Variants in DYRK1A observed in about 807,000 individuals in gnomAD.
DYRK1A encodes the protein dual specificity tyrosine-phosphorylation-regulated kinase 1A.
A neutral mutation model predicts 79.7 loss-of-function variants in DYRK1A; 9 were observed. The observed-to-expected ratio is 0.11, with a 90% CI of 0.07 to 0.20. DYRK1A has a LOEUF of 0.20. DYRK1A is among the 10% of genes least tolerant of loss of function. The pLI, the probability that DYRK1A is intolerant of heterozygous loss-of-function variation, is 1.00. For missense variants in DYRK1A, 622 were observed against 956.0 expected (o/e 0.65, Z 4.61); for synonymous variants, 349 against 329.7 (o/e 1.06, Z -0.63).
At position 37,514,466 on chromosome 21, in the gene DYRK1A, C is replaced by T. The variant is rs1416237530; in HGVS notation, c.*1935C>T. Reference sequence around the variant, plus strand: ...TCTGCCGATAACCTGTTTAAGATGACTCAGCAGAACACCGCGTTTCATTCT... The same window carrying T: ...TCTGCCGATAACCTGTTTAAGATGATTCAGCAGAACACCGCGTTTCATTCT... On this transcript the variant is annotated 3_prime_UTR_variant, in exon 12 of 12. Coordinates refer to ENST00000647188, the MANE Select transcript of DYRK1A (RefSeq NM_001347721.2). 3 of 152,610 alleles carry T rather than the reference C, an allele frequency of 2.0e-5. No individual in the cohort carries two copies. Among genetic ancestry groups the T allele is most frequent in the African/African-American group, 7.2e-5 (3 of 41,438 alleles). 9.5% of individuals were successfully genotyped at this position (152,610 alleles called of 1,614,324 possible).
intron 1 of DYRK1A, among the ~76,000 whole-genome samples, chr21:37,408,347 T>C (rs994188081): frequency 1.3e-5 from 2 of 152,218 alleles, no homozygotes; most frequent in Non-Finnish European, 2.9e-5. Flanking sequence ...TGAAAACATA[T>C]ACAGAAGTGG....
intron 5 of DYRK1A, among the ~76,000 whole-genome samples, chr21:37,482,130 A>G (rs548667960): frequency 6.6e-6 from 1 of 152,336 alleles, no homozygotes; most frequent in African/African-American, 2.4e-5. Flanking sequence ...GCATGTGCTT[A>G]CTTCTCTGTT....
intron 2 of DYRK1A, among the ~76,000 whole-genome samples, chr21:37,463,645 C>G (rs2051927188): frequency 6.6e-6 from 1 of 152,238 alleles, no homozygotes; most frequent in Non-Finnish European, 1.5e-5. Context: ...TTATTGAATG[C>G]AGGCCATGTG....
intron 8 of DYRK1A, among the ~76,000 whole-genome samples, chr21:37,495,102 A>C (rs1359154795): frequency 6.6e-6 from 1 of 151,554 alleles, no homozygotes; most frequent in Non-Finnish European, 1.5e-5. Context: ...CATTTAAAGT[A>C]CTTAAAAAAG....
chr21:37,452,445 A>G (rs1192899248), intron 2 of DYRK1A, among the ~76,000 whole-genome samples: 2 of 152,166 alleles, frequency 1.3e-5, no homozygotes, highest in Non-Finnish European at 2.9e-5. Context: ...GATGCCGTTT[A>G]TAGAACTGGG....
At chr21:37,459,119 C>T (rs1473803344) in intron 2 of DYRK1A, among the ~76,000 whole-genome samples, 1 of 152,172 alleles carries the variant, frequency 6.6e-6, no homozygotes, top group Non-Finnish European at 1.5e-5. Flanking sequence ...GAAATCAAGA[C>T]GTCTGATAAC....
chr21:37,424,660 T>C (rs2050568880), intron 2 of DYRK1A, among the ~76,000 whole-genome samples: 1 of 152,220 alleles, frequency 6.6e-6, no homozygotes, highest in Non-Finnish European at 1.5e-5. Context: ...ATAATTACTT[T>C]AGATATTTAT....
chr21:37,426,869 G>A (rs2050635660), intron 2 of DYRK1A, among the ~76,000 whole-genome samples: 2 of 143,530 alleles, frequency 1.4e-5, no homozygotes, highest in South Asian at 4.3e-4. Context: ...GCAGTGAGCC[G>A]AGATAGCGCC....
At chr21:37,438,531 T>A (rs1202588064) in intron 2 of DYRK1A, among the ~76,000 whole-genome samples, 2 of 152,140 alleles carry the variant, frequency 1.3e-5, no homozygotes, top group Admixed American at 6.5e-5. Flanking sequence ...AAAGATCACT[T>A]TTTTTTGCAA....
In DYRK1A at chr21:37,511,799, C is replaced by T. The variant is rs879153611; in HGVS notation, c.1645-112C>T. On this transcript the variant is annotated intron_variant, in intron 11 of 11. Coordinates refer to ENST00000647188, the MANE Select transcript of DYRK1A (RefSeq NM_001347721.2). Reference sequence around the variant, plus strand: ...TTAACACATTAAAAGTTTCAAAAACCGTTTCCCCCTGATTAATATGATGCT... The same window carrying T: ...TTAACACATTAAAAGTTTCAAAAACTGTTTCCCCCTGATTAATATGATGCT... 3.5e-5 allele frequency: 45 copies of T among 1,280,974 alleles called. No homozygotes were observed. In the South Asian group the frequency reaches 4.4e-4, roughly 12 times the overall value. The allele number at this position is 1,280,974 out of a possible 1,614,324, so 79.4% of individuals were successfully genotyped here.
intron 2 of DYRK1A, among the ~76,000 whole-genome samples, chr21:37,451,382 C>G (rs948098074): frequency 4.0e-5 from 6 of 150,294 alleles, no homozygotes; most frequent in Non-Finnish European, 8.9e-5. Flanking sequence ...CCATCCCTCC[C>G]CCACCCATTG....
chr21:37,443,563 G>A (rs2051174693), intron 2 of DYRK1A, among the ~76,000 whole-genome samples: 1 of 152,158 alleles, frequency 6.6e-6, no homozygotes, highest in South Asian at 2.1e-4. Flanking sequence ...TGATCTTTGA[G>A]TCTTACTTCT....
intron 2 of DYRK1A, among the ~76,000 whole-genome samples, chr21:37,433,068 T>TA (rs1279563434): frequency 6.6e-6 from 1 of 150,382 alleles, no homozygotes; most frequent in Non-Finnish European, 1.5e-5. Flanking sequence ...TATATATATG[T>TA]AATGAAGATT....
intron 9 of DYRK1A, among the ~76,000 whole-genome samples, chr21:37,498,999 G>A (rs1166393740): frequency 1.3e-5 from 2 of 152,002 alleles, no homozygotes; most frequent in Admixed American, 6.6e-5. Context: ...TAATAATTGA[G>A]TAGTCCTTTG....
chr21:37,453,282 A>G (rs1238794097), intron 2 of DYRK1A, among the ~76,000 whole-genome samples: 1 of 152,188 alleles, frequency 6.6e-6, no homozygotes, highest in Non-Finnish European at 1.5e-5. Flanking sequence ...AGCACATCTT[A>G]ATTCTTTGTA....
At position 37,464,544 on chromosome 21, in the gene DYRK1A, C is replaced by G. The variant is rs907270065; in HGVS notation, c.11-8140C>G. 5.9e-5 allele frequency among the ~76,000 whole-genome samples: 9 copies of G among 152,272 alleles called. No individual in the cohort carries two copies. In the South Asian group the frequency reaches 6.2e-4, roughly 11 times the overall value. On this transcript the variant is annotated intron_variant, in intron 2 of 11. Coordinates refer to ENST00000647188, the MANE Select transcript of DYRK1A (RefSeq NM_001347721.2). ...TTGAAAATACTTTGGAACTGCACTCCAAATGATGATTTTAGATAGCTTTGA... is the reference window on the plus strand; with the variant it reads ...TTGAAAATACTTTGGAACTGCACTCGAAATGATGATTTTAGATAGCTTTGA...
At chr21:37,399,732 G>A (rs879922583) in intron 1 of DYRK1A, among the ~76,000 whole-genome samples, 1 of 152,126 alleles carries the variant, frequency 6.6e-6, no homozygotes, top group Non-Finnish European at 1.5e-5. Context: ...TCTTTCTAAA[G>A]CTTGAAGGTA....
At chr21:37,368,125 C>A in intron 1 of DYRK1A, 1 of 143,392 alleles carries the variant, frequency 7.0e-6, no homozygotes, top group South Asian at 2.0e-4. Flanking sequence ...GGCCGGGCGC[C>A]GGCGAAGGTC....
At chr21:37,510,081 G>T (rs2148659202) in intron 11 of DYRK1A, among the ~76,000 whole-genome samples, 1 of 152,306 alleles carries the variant, frequency 6.6e-6, no homozygotes, top group Non-Finnish European at 1.5e-5. Flanking sequence ...CAGGCATCCA[G>T]TGGGGATCTT....
Sources: gnomAD v4.1 joint callset for allele counts (sites outside exome capture counted in the v4.1 genomes callset) on GRCh38, gnomAD v4.1.1 for gene constraint, MANE v1.5 for transcripts, NCBI Gene and HGNC (gene_info 2026-07-23, HGNC 2026-07-21) for gene names.